The following CNTN4 variants were observed in gnomAD, a reference collection of about 807,000 sequenced individuals.
CNTN4 encodes the protein contactin 4.
Under a neutral mutation model 122.5 loss-of-function variants are expected in CNTN4, and 77 were observed. The ratio of observed to expected loss-of-function variants is 0.63; its 90% CI spans 0.52 to 0.76. The LOEUF (loss-of-function observed/expected upper bound fraction) is 0.76. Ranked by LOEUF, CNTN4 falls within the 30% of genes least tolerant of loss-of-function variation. The probability of loss-of-function intolerance (pLI) is 0.00; values close to 1 mark genes in which losing one functional copy is unlikely to be tolerated. For synonymous variants in CNTN4, 512 were observed against 447.0 expected (o/e 1.15, Z -1.83); for missense variants, 1,256 against 1,259.1 (o/e 1.00, Z 0.04).
chr3:2,384,467 T>C (rs1182626654), intron 3 of CNTN4, among the ~76,000 whole-genome samples: 10 of 152,204 alleles, frequency 6.6e-5, no homozygotes, highest in African/African-American at 2.4e-4. Context: ...ACTGCTTAGA[T>C]TTAATGTTAG....
chr3:2,853,808 ATT>A, intron 7 of CNTN4, among the ~76,000 whole-genome samples: 1 of 52,236 alleles, frequency 1.9e-5, no homozygotes, highest in Non-Finnish European at 4.6e-5. Flanking sequence ...TGATTGGCTG[ATT>A]TAAGTCATGT....
intron 18 of CNTN4, chr3:3,037,788 C>G (rs74723775): frequency 3.9e-6 from 1 of 256,932 alleles, no homozygotes; most frequent in Non-Finnish European, 7.6e-6. Flanking sequence ...CTTAGATTAT[C>G]TTTCTTAGGG....
At chr3:2,788,885 A>G (rs898447272) in intron 6 of CNTN4, among the ~76,000 whole-genome samples, 3 of 152,248 alleles carry the variant, frequency 2.0e-5, no homozygotes, top group African/African-American at 7.2e-5. Context: ...AAGATATAAC[A>G]GTCAAAGACT....
Position 3,043,683 on chromosome 3 carries a change from G to A in CNTN4, c.2790G>A (p.Glu930=), listed in dbSNP as rs761958657. The A allele has an allele frequency of 5.0e-6, 8 of 1,613,040 alleles. No homozygotes were observed. The South Asian group carries it at 6.6e-5, about 13-fold the overall frequency. Residue 930 remains glutamate, a synonymous_variant, in exon 23 of 25, where the codon GAG becomes GAA. Coordinates refer to ENST00000418658, the MANE Select transcript of CNTN4 (RefSeq NM_175607.3). ...NWDQVKALDN[E]SEVKGYKVLY... ...ATCAAGTGAAGGCCCTGGATAATGA[G>A]TCGGAAGTAAAAGGATACAAAGTAG...
chr3:2,119,004 AT>A (rs552098644), intron 2 of CNTN4, among the ~76,000 whole-genome samples: 110 of 152,346 alleles, frequency 7.2e-4, no homozygotes, highest in African/African-American at 2.5e-3. Context: ...TTGGTCAAAC[AT>A]GTCTGGATGA....
chr3:2,323,260 T>C (rs976004061), intron 2 of CNTN4, among the ~76,000 whole-genome samples: 3 of 152,126 alleles, frequency 2.0e-5, no homozygotes, highest in Admixed American at 2.0e-4. Flanking sequence ...GCCCCATTAG[T>C]CTGTCCCTGG....
chr3:2,384,351 C>T (rs1039614952), intron 3 of CNTN4, among the ~76,000 whole-genome samples: 6 of 152,138 alleles, frequency 3.9e-5, no homozygotes, highest in African/African-American at 1.4e-4. Context: ...TGGCATGCTT[C>T]CACCAAAGTT....
chr3:2,187,620 C>A (rs556156677), intron 2 of CNTN4, among the ~76,000 whole-genome samples: 1 of 152,082 alleles, frequency 6.6e-6, no homozygotes, highest in Non-Finnish European at 1.5e-5. Context: ...TGCCGGGTTC[C>A]GTCTTAGTTG....
At chr3:2,672,262 C>A (rs538819656) in intron 4 of CNTN4, among the ~76,000 whole-genome samples, 1 of 152,280 alleles carries the variant, frequency 6.6e-6, no homozygotes, top group East Asian at 1.9e-4. Flanking sequence ...TGGGCTCCAC[C>A]CAGTTCGAGC....
chr3:2,399,173 T>G (rs960043462), intron 3 of CNTN4, among the ~76,000 whole-genome samples: 2 of 152,114 alleles, frequency 1.3e-5, no homozygotes, highest in Non-Finnish European at 2.9e-5. Flanking sequence ...CCAATATCTG[T>G]GTCAGTTTCT....
chr3:2,138,857 C>G (rs1490639707), intron 2 of CNTN4, among the ~76,000 whole-genome samples: 1 of 152,170 alleles, frequency 6.6e-6, no homozygotes, highest in Non-Finnish European at 1.5e-5. Context: ...TTTCTTCTCT[C>G]TCTCTCTCTC....
intron 2 of CNTN4, among the ~76,000 whole-genome samples, chr3:2,168,971 G>T (rs2036321989): frequency 6.6e-6 from 1 of 152,136 alleles, no homozygotes. Flanking sequence ...TGGCTTCCTA[G>T]TTAAGTGCTG....
intron 6 of CNTN4, among the ~76,000 whole-genome samples, chr3:2,773,279 G>T (rs932378733): frequency 6.6e-6 from 1 of 152,078 alleles, no homozygotes; most frequent in African/African-American, 2.4e-5. Flanking sequence ...CAAAATTTTT[G>T]TATATTTTAA....
intron 7 of CNTN4, among the ~76,000 whole-genome samples, chr3:2,824,158 T>TAAAA (rs56973508): frequency 7.0e-6 from 1 of 142,864 alleles, no homozygotes; most frequent in Admixed American, 6.9e-5. Flanking sequence ...CCAAGGCTGT[T>TAAAA]AAAAAAAAAA....
chr3:3,031,312 C>T (rs570207833), intron 16 of CNTN4, among the ~76,000 whole-genome samples: 103 of 152,210 alleles, frequency 6.8e-4, no homozygotes, highest in African/African-American at 2.5e-3. Flanking sequence ...ATTAAACTGT[C>T]CCTTTTTATG....
intron 2 of CNTN4, among the ~76,000 whole-genome samples, chr3:2,227,435 T>C (rs1408274272): frequency 6.6e-6 from 1 of 152,168 alleles, no homozygotes; most frequent in African/African-American, 2.4e-5. Context: ...ATAGTTAGTG[T>C]CCTTTTTCAT....
At chr3:2,842,164 C>G (rs928566594) in intron 7 of CNTN4, among the ~76,000 whole-genome samples, 2 of 152,166 alleles carry the variant, frequency 1.3e-5, no homozygotes, top group Non-Finnish European at 2.9e-5. Flanking sequence ...ATATATCACT[C>G]TTTCTTTAAA....
chr3:2,469,950 A>G (rs2075628524), intron 3 of CNTN4, among the ~76,000 whole-genome samples: 1 of 152,250 alleles, frequency 6.6e-6, no homozygotes, highest in African/African-American at 2.4e-5. Context: ...TTGTTGACTA[A>G]AAATCTTTTA....
intron 3 of CNTN4, among the ~76,000 whole-genome samples, chr3:2,461,006 C>T (rs1442439332): frequency 6.6e-6 from 1 of 151,604 alleles, no homozygotes; most frequent in African/African-American, 2.4e-5. Flanking sequence ...AGCCCCTGTC[C>T]TTCTGGGTGA....
Sources: allele counts gnomAD v4.1 joint callset (sites outside exome capture counted in the v4.1 genomes callset), GRCh38; gene constraint gnomAD v4.1.1; transcripts MANE v1.5; gene names NCBI Gene and HGNC (gene_info 2026-07-23, HGNC 2026-07-21).